Variants in PRKG1 observed in about 807,000 individuals in gnomAD.
PRKG1 encodes protein kinase cGMP-dependent 1, also known as cGMP-dependent protein kinase 1.
Under a neutral mutation model 88.1 loss-of-function variants are expected in PRKG1, and 35 were observed. The ratio of observed to expected loss-of-function variants is 0.40; its 90% CI spans 0.30 to 0.53. PRKG1 has a LOEUF of 0.53. Ranked by LOEUF, PRKG1 falls within the 20% of genes least tolerant of loss-of-function variation. The pLI, the probability that PRKG1 is intolerant of heterozygous loss-of-function variation, is 0.59. For synonymous variants in PRKG1, 303 were observed against 292.5 expected, an observed-to-expected ratio of 1.04 and a Z score of -0.37; for missense variants, 540 against 839.8, an observed-to-expected ratio of 0.64 and a Z score of 4.41.
intron 3 of PRKG1, among the ~76,000 whole-genome samples, chr10:51,744,981 T>C (rs530798120): frequency 1.3e-5 from 2 of 152,364 alleles, no homozygotes; most frequent in South Asian, 4.1e-4. Flanking sequence ...AGTATGTTTA[T>C]AGTAAAGTAG....
intron 5 of PRKG1, among the ~76,000 whole-genome samples, chr10:51,921,911 G>T (rs1057303519): frequency 4.1e-4 from 62 of 152,054 alleles, no homozygotes; most frequent in African/African-American, 1.3e-3. Context: ...TGGTATAAGG[G>T]TAATGCTGGT....
chr10:51,535,500 T>C (rs974525110), intron 3 of PRKG1, among the ~76,000 whole-genome samples: 2 of 152,214 alleles, frequency 1.3e-5, no homozygotes, highest in Non-Finnish European at 2.9e-5. Context: ...ATGATCTGAT[T>C]CACATCAAAC....
At chr10:51,583,250 A>G (rs527476176) in intron 3 of PRKG1, among the ~76,000 whole-genome samples, 10 of 152,250 alleles carry the variant, frequency 6.6e-5, no homozygotes, top group African/African-American at 2.4e-4. Context: ...AAGTCAGATG[A>G]TGTTTATTAA....
intron 7 of PRKG1, among the ~76,000 whole-genome samples, chr10:52,076,335 T>C (rs536620484): frequency 3.9e-5 from 6 of 152,350 alleles, no homozygotes; most frequent in African/African-American, 1.4e-4. Flanking sequence ...GGCAGGCCAA[T>C]CACTGGAGGT....
intron 5 of PRKG1, among the ~76,000 whole-genome samples, chr10:51,969,377 G>T (rs1291296826): frequency 6.6e-6 from 1 of 152,152 alleles, no homozygotes; most frequent in Non-Finnish European, 1.5e-5. Flanking sequence ...AAACCCATCA[G>T]AGTACAGATA....
At chr10:52,245,205 TCTTA>T (rs1292683066) in intron 9 of PRKG1, among the ~76,000 whole-genome samples, 1 of 151,920 alleles carries the variant, frequency 6.6e-6, no homozygotes, top group African/African-American at 2.4e-5. Context: ...TTCTCAATGT[TCTTA>T]CTCCTTTTTC....
intron 3 of PRKG1, among the ~76,000 whole-genome samples, chr10:51,781,425 G>A (rs1254122566): frequency 6.6e-6 from 1 of 152,050 alleles, no homozygotes; most frequent in Admixed American, 6.6e-5. Flanking sequence ...TGCAGTTTTA[G>A]GCCTCTACAG....
At chr10:51,899,130 C>A (rs1841922174) in intron 4 of PRKG1, among the ~76,000 whole-genome samples, 1 of 151,988 alleles carries the variant, frequency 6.6e-6, no homozygotes, top group Admixed American at 6.6e-5. Context: ...TTAATATTAT[C>A]TTGTAGGTAT....
intron 3 of PRKG1, among the ~76,000 whole-genome samples, chr10:51,726,239 T>C (rs962159320): frequency 2.6e-5 from 4 of 152,198 alleles, no homozygotes; most frequent in African/African-American, 9.7e-5. Context: ...TGCTATGTAT[T>C]TTAGTTTTGC....
At position 52,161,963 on chromosome 10, in the gene PRKG1, A is replaced by G. The variant is rs869025500; in HGVS notation, c.1076A>G (p.Lys359Arg). ...TATGAAGATGCAGAAGCTAAAGCAA[A>G]GTAAGTGACTTTTTTCCTTAATTTT... is the stretch of plus-strand genomic sequence containing the variant. ...KAYEDAEAKA[K>R]YEAEAAFFAN... Residue 359 changes from lysine (K) to arginine (R), a missense_variant and splice_region_variant, in exon 9 of 18, where the codon AAA becomes AGA. Physicochemically the swap from Lys to Arg is conservative, Grantham distance 26 (BLOSUM62 2). Coordinates refer to ENST00000373980, the MANE Select transcript of PRKG1 (RefSeq NM_006258.4). 2.5e-6 allele frequency: 4 copies of G among 1,609,498 alleles called. No individual in the cohort carries two copies. Among genetic ancestry groups the G allele is most frequent in the East Asian group, 4.5e-5 (2 of 44,728 alleles).
chr10:51,369,480 G>A (rs1842657100), intron 2 of PRKG1, among the ~76,000 whole-genome samples: 1 of 152,016 alleles, frequency 6.6e-6, no homozygotes, highest in East Asian at 1.9e-4. Flanking sequence ...GCCTATAGTA[G>A]GGAGTATCTC....
At chr10:52,270,937 A>C (rs1157388593) in intron 10 of PRKG1, among the ~76,000 whole-genome samples, 1 of 152,078 alleles carries the variant, frequency 6.6e-6, no homozygotes, top group Non-Finnish European at 1.5e-5. Context: ...CTAAGGAGGA[A>C]GAATATAAAG....
At chr10:51,697,628 A>G in intron 3 of PRKG1, 1 of 1,470,942 alleles carries the variant, frequency 6.8e-7, no homozygotes, top group Non-Finnish European at 9.3e-7. Flanking sequence ...TACAGAAGTC[A>G]GCTTTTTGCA....
At chr10:51,620,034 AC>A (rs1839166107) in intron 3 of PRKG1, among the ~76,000 whole-genome samples, 1 of 152,120 alleles carries the variant, frequency 6.6e-6, no homozygotes, top group African/African-American at 2.4e-5. Context: ...TTGGCAGACA[AC>A]CAGAGTAGTT....
intron 5 of PRKG1, among the ~76,000 whole-genome samples, chr10:52,037,350 T>C (rs1355752022): frequency 6.6e-6 from 1 of 152,066 alleles, no homozygotes; most frequent in African/African-American, 2.4e-5. Context: ...AATTGCAACA[T>C]TTTTCTATTA....
intron 3 of PRKG1, among the ~76,000 whole-genome samples, chr10:51,571,987 GGAGA>G (rs1315860374): frequency 6.6e-6 from 1 of 151,756 alleles, no homozygotes; most frequent in Admixed American, 6.6e-5. Context: ...TGAGAGAAAA[GGAGA>G]GAGAGAGAAA....
At chr10:51,164,817 A>G (rs984569451) in intron 2 of PRKG1, among the ~76,000 whole-genome samples, 7 of 152,154 alleles carry the variant, frequency 4.6e-5, no homozygotes, top group Non-Finnish European at 8.8e-5. Context: ...GATGAAATGA[A>G]TGAAATGAAG....
At chr10:51,505,952 T>A (rs1284653596) in intron 3 of PRKG1, among the ~76,000 whole-genome samples, 1 of 151,960 alleles carries the variant, frequency 6.6e-6, no homozygotes, top group African/African-American at 2.4e-5. Flanking sequence ...TTGAAGGGTT[T>A]TTTTGTGTCT....
chr10:51,140,581 G>T (rs1252304359), intron 1 of PRKG1, among the ~76,000 whole-genome samples: 1 of 152,164 alleles, frequency 6.6e-6, no homozygotes, highest in Non-Finnish European at 1.5e-5. Context: ...AGGATTAGGT[G>T]AGATAACATG....
Sources: allele counts gnomAD v4.1 joint callset (sites outside exome capture counted in the v4.1 genomes callset), GRCh38; gene constraint gnomAD v4.1.1; transcripts MANE v1.5; gene names NCBI Gene and HGNC (gene_info 2026-07-23, HGNC 2026-07-21).